The following ALK variants were observed in gnomAD, a reference collection of about 807,000 sequenced individuals.
The protein encoded by ALK is ALK receptor tyrosine kinase, also known as ALK tyrosine kinase receptor.
A neutral mutation model predicts 163.1 loss-of-function variants in ALK; 74 were observed. That is an observed-to-expected ratio of 0.45 (90% CI 0.38 to 0.55). The LOEUF is 0.55. Ranked by LOEUF, ALK falls within the 20% of genes least tolerant of loss-of-function variation. The pLI is 0.00. For synonymous variants in ALK, 960 were observed against 843.2 expected (o/e 1.14, Z -2.40); for missense variants, 2,063 against 2,105.3 (o/e 0.98, Z 0.39).
At chr2:29,808,957 C>T (rs1369863755) in intron 1 of ALK, among the ~76,000 whole-genome samples, 1 of 152,218 alleles carries the variant, frequency 6.6e-6, no homozygotes, top group Non-Finnish European at 1.5e-5. Flanking sequence ...CCCAGAGACA[C>T]TTTGATGAAG....
rs869185071 is a variant in ALK at position 29,193,164 on chromosome 2, C to CCT, written c.*58_*59dup. On this transcript the variant is annotated 3_prime_UTR_variant, in exon 29 of 29. Coordinates refer to ENST00000389048, the MANE Select transcript of ALK (RefSeq NM_004304.5). ...TCTCTGGTTTGTGAAGGAGCCATTG[C>CCT]CTCTCTCTCCTCCACGGTCTTAGGG... is the stretch of plus-strand genomic sequence containing the variant. The CCT allele has an allele frequency of 1.9e-5, 28 of 1,460,046 alleles. No homozygotes were observed. Among genetic ancestry groups the CCT allele is most frequent in the Non-Finnish European group, 2.4e-5 (25 of 1,061,420 alleles). 90.4% of individuals were successfully genotyped at this position (1,460,046 alleles called of 1,614,324 possible). A position where few individuals can be genotyped will look rare whatever the true frequency, so the allele number is the denominator to read the frequency against.
chr2:29,494,875 T>C (rs1485702433), intron 4 of ALK, among the ~76,000 whole-genome samples: 1 of 147,742 alleles, frequency 6.8e-6, no homozygotes, highest in African/African-American at 2.5e-5. Context: ...TGTGTGTGTG[T>C]GCATGCATGT....
intron 4 of ALK, among the ~76,000 whole-genome samples, chr2:29,404,604 G>A (rs926079993): frequency 1.3e-5 from 2 of 152,116 alleles, no homozygotes; most frequent in African/African-American, 4.8e-5. Flanking sequence ...ATAAGCCCAA[G>A]GCACCTATAA....
At chr2:29,670,022 C>T (rs900089117) in intron 3 of ALK, among the ~76,000 whole-genome samples, 1 of 151,946 alleles carries the variant, frequency 6.6e-6, no homozygotes, top group Non-Finnish European at 1.5e-5. Flanking sequence ...GTCTTTTGGG[C>T]CTCATATTAG....
At position 29,288,951 on chromosome 2, in the gene ALK, C is replaced by CAAAAAAA. The variant is rs770578645; in HGVS notation, c.1817+7930_1817+7936dup. 1.4e-3 allele frequency among the ~76,000 whole-genome samples: 34 copies of CAAAAAAA among 24,196 alleles called. 1 individual carries two copies. Among genetic ancestry groups the CAAAAAAA allele is most frequent in the Admixed American group, 2.1e-3 (3 of 1,436 alleles). 15.9% of individuals were successfully genotyped at this position (24,196 alleles called of 152,430 possible). A position where few individuals can be genotyped will look rare whatever the true frequency, so the allele number is the denominator to read the frequency against. Reference sequence around the variant, plus strand: ...TGGGCGACAGAGGGAGACTCCTTCTCAAAAAAATAAATAAATAAATAAATA... The same window carrying CAAAAAAA: ...TGGGCGACAGAGGGAGACTCCTTCTCAAAAAAAAAAAAAATAAATAAATAAATAAATA... On this transcript the variant is annotated intron_variant, in intron 9 of 28. Transcript: ENST00000389048.
At chr2:29,299,378 A>G (rs1193535979) in intron 8 of ALK, among the ~76,000 whole-genome samples, 1 of 152,208 alleles carries the variant, frequency 6.6e-6, no homozygotes, top group African/African-American at 2.4e-5. Flanking sequence ...CTTTTTCATC[A>G]TTCAACAAAT....
rs542234332 is a variant in ALK, at chr2:29,193,422, C to A, written c.4665G>T (p.Leu1555=). 1 of 1,614,220 alleles carries A rather than the reference C, an allele frequency of 6.2e-7. No individual in the cohort carries two copies. Among genetic ancestry groups the A allele is most frequent in the South Asian group, 1.1e-5 (1 of 91,080 alleles). The change falls in exon 29 of 29, where the codon CTG becomes CTT. Residue 1555 remains leucine, a synonymous_variant. Transcript: ENST00000389048. The part of the protein sequence containing the change: ...VATGRLPGAS[L]LLEPSSLTAN... The stretch of plus-strand genomic sequence containing the variant: ...CAGTCAGCGAAGAGGGCTCTAGGAG[C>A]AGTGAGGCCCCCGGAAGTCTCCCAG...
intron 1 of ALK, among the ~76,000 whole-genome samples, chr2:29,912,830 A>C (rs1667742322): frequency 6.6e-6 from 1 of 152,160 alleles, no homozygotes; most frequent in African/African-American, 2.4e-5. Flanking sequence ...TCTCCTCACC[A>C]CAGAACACTT....
At chr2:29,392,567 G>A (rs13415294) in intron 4 of ALK, among the ~76,000 whole-genome samples, 1 of 151,978 alleles carries the variant, frequency 6.6e-6, no homozygotes, top group Non-Finnish European at 1.5e-5. Context: ...ACTGGAATAT[G>A]CAGGCTTGTT....
At chr2:29,346,071 G>A (rs961128299) in intron 5 of ALK, among the ~76,000 whole-genome samples, 3 of 152,202 alleles carry the variant, frequency 2.0e-5, no homozygotes, top group Admixed American at 2.0e-4. Flanking sequence ...AAAAAAGGAA[G>A]TAAATTTCTC....
intron 5 of ALK, among the ~76,000 whole-genome samples, chr2:29,337,260 C>T (rs1667643675): frequency 2.0e-5 from 3 of 152,130 alleles, no homozygotes; most frequent in Admixed American, 2.0e-4. Flanking sequence ...TCTTGGGTTT[C>T]TATGACTCAA....
In ALK at chr2:29,674,020, A is replaced by AT. The variant is rs1444612601; in HGVS notation, c.952+20829dup. 2.4e-5 allele frequency among the ~76,000 whole-genome samples: 3 copies of AT among 126,822 alleles called. No individual in the cohort carries two copies. In the South Asian group the frequency reaches 8.7e-4, roughly 37 times the overall value. The allele number at this position is 126,822 out of a possible 152,430, so 83.2% of individuals were successfully genotyped here. On this transcript the variant is annotated intron_variant, in intron 3 of 28. Coordinates refer to ENST00000389048, the MANE Select transcript of ALK (RefSeq NM_004304.5). Reference sequence around the variant, plus strand: ...GAATGCTTGTGATTTTTGTACATTGATTTTGTATCCTGAGACTTTGCTGAA... The same window carrying AT: ...GAATGCTTGTGATTTTTGTACATTGATTTTTGTATCCTGAGACTTTGCTGAA...
chr2:29,244,316 C>A (rs1057513330), intron 12 of ALK, among the ~76,000 whole-genome samples: 2 of 152,218 alleles, frequency 1.3e-5, no homozygotes, highest in African/African-American at 4.8e-5. Context: ...GTCTGTCCTA[C>A]CCACCCTGCA....
intron 1 of ALK, among the ~76,000 whole-genome samples, chr2:29,821,577 A>T (rs1477887417): frequency 1.3e-5 from 2 of 151,998 alleles, no homozygotes; most frequent in Non-Finnish European, 2.9e-5. Context: ...TGAGAGTGAA[A>T]AGGAAGCTGG....
Position 29,717,817 on chromosome 2 carries a change from T to A in ALK, c.668-120A>T, listed in dbSNP as rs143092633. 42 of 1,383,396 alleles carry A rather than the reference T, an allele frequency of 3.0e-5. No individual in the cohort carries two copies. The African/African-American group carries it at 5.0e-4, about 17-fold the overall frequency. 85.7% of individuals were successfully genotyped at this position (1,383,396 alleles called of 1,614,324 possible). A position where few individuals can be genotyped will look rare whatever the true frequency, so the allele number is the denominator to read the frequency against. ...GCTTTCATGACATCCATCGGGAAGA[T>A]GAGGGGGAAAAAATTGAGCCACCAG... On this transcript the variant is annotated intron_variant, in intron 1 of 28. Coordinates refer to ENST00000389048, the MANE Select transcript of ALK (RefSeq NM_004304.5).
At position 29,539,294 on chromosome 2, in the gene ALK, ATT is replaced by A. The variant is rs572330321; in HGVS notation, c.953-7180_953-7179del. Among the ~76,000 whole-genome samples, 9 of 152,280 alleles carry A rather than the reference ATT, an allele frequency of 5.9e-5. No individual in the cohort carries two copies. The South Asian group carries it at 1.9e-3, about 32-fold the overall frequency. On this transcript the variant is annotated intron_variant, in intron 3 of 28. Coordinates refer to ENST00000389048, the MANE Select transcript of ALK (RefSeq NM_004304.5). ...TATTTCCAGCATCAGGATCAAATGA[ATT>A]CTCTCTCTTGCATTGTTACTTGTCA...
intron 4 of ALK, among the ~76,000 whole-genome samples, chr2:29,404,085 T>A (rs572906691): frequency 1.3e-5 from 2 of 152,094 alleles, no homozygotes; most frequent in African/African-American, 4.8e-5. Flanking sequence ...GGGTGGATCG[T>A]CTGAGGTTAA....
At chr2:29,211,542 A>AT (rs1162161360) in intron 24 of ALK, among the ~76,000 whole-genome samples, 4 of 152,294 alleles carry the variant, frequency 2.6e-5, no homozygotes, top group East Asian at 3.9e-4. Flanking sequence ...AAAAGATCCA[A>AT]TTTTTTTAAA....
In ALK at chr2:29,906,551, C is replaced by T. The variant is rs535546228; in HGVS notation, c.667+13442G>A. On this transcript the variant is annotated intron_variant, in intron 1 of 28. Coordinates refer to ENST00000389048, the MANE Select transcript of ALK (RefSeq NM_004304.5). ...CCCTCATGTTGGGGAGAAGTTAATA[C>T]TTGTCAGCCAAACTACAGTCACAAG... 3.9e-5 allele frequency among the ~76,000 whole-genome samples: 6 copies of T among 152,226 alleles called. No individual in the cohort carries two copies. In the South Asian group the frequency reaches 1.2e-3, roughly 32 times the overall value.
Sources: gnomAD v4.1 joint callset for allele counts (sites outside exome capture counted in the v4.1 genomes callset) on GRCh38, gnomAD v4.1.1 for gene constraint, MANE v1.5 for transcripts, NCBI Gene and HGNC (gene_info 2026-07-23, HGNC 2026-07-21) for gene names.